The following ABHD2 variants were observed in gnomAD, a reference collection of about 807,000 sequenced individuals.
ABHD2 encodes the protein monoacylglycerol lipase ABHD2.
A neutral mutation model predicts 48.1 loss-of-function variants in ABHD2; 20 were observed. The observed-to-expected ratio is 0.42, with a 90% CI of 0.29 to 0.60. ABHD2 has a LOEUF of 0.60. Ranked by LOEUF, ABHD2 falls within the 20% of genes least tolerant of loss-of-function variation. ABHD2 has a pLI of 0.24. For synonymous variants in ABHD2, 209 were observed against 214.2 expected, an observed-to-expected ratio of 0.98 and a Z score of 0.21; for missense variants, 405 against 550.9, an observed-to-expected ratio of 0.74 and a Z score of 2.65.
At chr15:89,159,839 T>C (rs1449479887) in intron 5 of ABHD2, among the ~76,000 whole-genome samples, 2 of 152,226 alleles carry the variant, frequency 1.3e-5, no homozygotes, top group Non-Finnish European at 2.9e-5. Context: ...TATTATACTT[T>C]AGAAATGTTC....
the ABHD2 span, among the ~76,000 whole-genome samples, chr15:89,052,564 C>CACAA: frequency 6.6e-6 from 1 of 151,572 alleles, no homozygotes; most frequent in African/African-American, 2.4e-5. Context: ...GACAGACACA[C>CACAA]ACACACACAC....
intron 3 of ABHD2, among the ~76,000 whole-genome samples, chr15:89,138,463 G>C (rs890157566): frequency 6.6e-6 from 1 of 152,112 alleles, no homozygotes; most frequent in Non-Finnish European, 1.5e-5. Flanking sequence ...TGGATCTTTG[G>C]GGAGATATTC....
the ABHD2 span, among the ~76,000 whole-genome samples, chr15:89,059,820 C>T: frequency 2.0e-4 from 30 of 152,204 alleles, no homozygotes; most frequent in African/African-American, 6.0e-4. Flanking sequence ...ATTGCAGAGC[C>T]GCAGTTCCTT....
At position 89,114,493 on chromosome 15, in the gene ABHD2, G is replaced by GT. The variant is rs1459694565; in HGVS notation, c.-7+676dup. On this transcript the variant is annotated intron_variant, in intron 2 of 10. Coordinates refer to ENST00000352732, the MANE Select transcript of ABHD2 (RefSeq NM_152924.5). This position sits in a 1 kb window ranked among gnomAD's most constrained non-coding sequence, Gnocchi z 4.2. ...TTTTTTTGTTTTGTTTTTTGTTTTT[G>GT]TTTTTTTGAGACGGCGTTTCGCTCT... 3.3e-5 allele frequency among the ~76,000 whole-genome samples: 5 copies of GT among 151,882 alleles called. No individual in the cohort carries two copies. Among genetic ancestry groups the GT allele is most frequent in the African/African-American group, 1.2e-4 (5 of 41,342 alleles).
rs1038345271 is a variant in ABHD2, at chr15:89,166,310, C to T, written c.539-9502C>T. ...AAAATGGCCTCGAATATTTAAATTGCTTTTTTCCTGTGAGTTTAAACAGGG... is the reference window on the plus strand; with the variant it reads ...AAAATGGCCTCGAATATTTAAATTGTTTTTTTCCTGTGAGTTTAAACAGGG... On this transcript the variant is annotated intron_variant, in intron 5 of 10. Coordinates refer to ENST00000352732, the MANE Select transcript of ABHD2 (RefSeq NM_152924.5). The surrounding 1 kb of genome is among the most constrained non-coding windows in gnomAD (Gnocchi z 4.6). 1.3e-5 allele frequency among the ~76,000 whole-genome samples: 2 copies of T among 152,048 alleles called. No individual in the cohort carries two copies. The highest frequency in any genetic ancestry group is 2.9e-5 in the Non-Finnish European group (2 of 68,004).
At chr15:89,064,003 A>G in the ABHD2 span, among the ~76,000 whole-genome samples, 1 of 149,478 alleles carries the variant, frequency 6.7e-6, no homozygotes, top group Admixed American at 6.7e-5. Context: ...TTAAATAAGA[A>G]CCCCCATTAC....
At chr15:89,051,468 G>C in the ABHD2 span, among the ~76,000 whole-genome samples, 1,927 of 152,230 alleles carry the variant, frequency 0.013, 42 homozygotes, top group African/African-American at 0.045. Context: ...GGATACAATG[G>C]CTCAAGGGAG....
chr15:89,155,396 A>C lies in ABHD2; in HGVS notation c.400A>C (p.Ile134Leu). ...DDITMVICPGIANHSEKQYIR... is the reference protein window; with the variant it reads ...DDITMVICPGLANHSEKQYIR... ...TATCACCATGGTCATCTGCCCTGGA[A>C]TTGCCAATCACAGCGAGAAGCAATA... Residue 134 changes from isoleucine to leucine, a missense_variant, in exon 5 of 11, where the codon ATT becomes CTT. By Grantham distance (5) the Ile-to-Leu change is conservative. Coordinates refer to ENST00000352732, the MANE Select transcript of ABHD2 (RefSeq NM_152924.5). The surrounding 1 kb of genome is among the most constrained non-coding windows in gnomAD (Gnocchi z 4.9). 1 of 1,614,152 alleles carries C rather than the reference A, an allele frequency of 6.2e-7. No homozygotes were observed. The highest frequency in any genetic ancestry group is 8.5e-7 in the Non-Finnish European group (1 of 1,180,008).
At chr15:89,065,402 A>C in the ABHD2 span, among the ~76,000 whole-genome samples, 1 of 152,256 alleles carries the variant, frequency 6.6e-6, no homozygotes, top group South Asian at 2.1e-4. Context: ...AGACTTGGGC[A>C]TCCCCAGTCT....
At chr15:89,152,977 A>T (rs189959946) in intron 4 of ABHD2, among the ~76,000 whole-genome samples, 32 of 152,306 alleles carry the variant, frequency 2.1e-4, no homozygotes, top group Middle Eastern at 3.4e-3. Context: ...GTAGTTATTT[A>T]TGGGTAAATT....
intron 5 of ABHD2, among the ~76,000 whole-genome samples, chr15:89,156,584 T>G (rs920112085): frequency 1.3e-5 from 2 of 151,960 alleles, no homozygotes; most frequent in Non-Finnish European, 2.9e-5. Context: ...CTGTCTCTAC[T>G]AAAAATACAA....
chr15:89,128,097 T>C (rs1473165702), intron 3 of ABHD2, among the ~76,000 whole-genome samples: 1 of 152,196 alleles, frequency 6.6e-6, no homozygotes, highest in Admixed American at 6.5e-5. Context: ...GTAGAGTCAG[T>C]ACACACTAAC....
At chr15:89,070,103 G>A in the ABHD2 span, 3 of 152,262 alleles carry the variant, frequency 2.0e-5, no homozygotes, top group East Asian at 5.8e-4. Context: ...GTTGTGGATT[G>A]GCTGTAACTC....
At chr15:89,061,415 T>G in the ABHD2 span, among the ~76,000 whole-genome samples, 1 of 150,990 alleles carries the variant, frequency 6.6e-6, no homozygotes, top group Non-Finnish European at 1.5e-5. Context: ...CAAAATTCCA[T>G]CTCGGAAAAA....
Position 89,116,441 on chromosome 15 carries a change from C to T in ABHD2, c.114C>T (p.Pro38=). ...VIVRCLNLKS[P]TAPPDLYFQD... ...TCCGGTGTTTGAACCTGAAGAGCCC[C>T]ACAGCCCCACCTGACCTCTACTTCC... The change falls in exon 3 of 11, where the codon CCC becomes CCT. Residue 38 remains proline, a synonymous_variant. Transcript: ENST00000352732. The surrounding 1 kb of genome is among the most constrained non-coding windows in gnomAD (Gnocchi z 4.6). The T allele has an allele frequency of 6.2e-7, 1 of 1,614,208 alleles. No individual in the cohort carries two copies.
In ABHD2 at chr15:89,195,429, C is replaced by G. The variant is rs1199286513; in HGVS notation, c.*6C>G. ...TGGAGGCCGACCTGGAGTGAGGCCT[C>G]CGGACTCTGGCACGCTCCAGCAGCC... On this transcript the variant is annotated 3_prime_UTR_variant, in exon 11 of 11. Transcript: ENST00000352732. This position sits in a 1 kb window ranked among gnomAD's most constrained non-coding sequence, Gnocchi z 5.1. The G allele has an allele frequency of 6.2e-7, 1 of 1,611,982 alleles. No homozygotes were observed. The highest frequency in any genetic ancestry group is 2.2e-5 in the East Asian group (1 of 44,864).
intron 3 of ABHD2, among the ~76,000 whole-genome samples, chr15:89,123,652 CA>C (rs1292785929): frequency 2.4e-5 from 3 of 123,972 alleles, no homozygotes; most frequent in African/African-American, 9.4e-5. Context: ...GGTTGGAGTA[CA>C]ATGGCACAAT....
chr15:89,125,666 G>A (rs898990445), intron 3 of ABHD2, among the ~76,000 whole-genome samples: 4 of 152,126 alleles, frequency 2.6e-5, no homozygotes, highest in Admixed American at 2.6e-4. Flanking sequence ...GGAATTCCAG[G>A]GCAAACAGGG....
intron 5 of ABHD2, among the ~76,000 whole-genome samples, chr15:89,162,312 T>C (rs2050774999): frequency 6.6e-6 from 1 of 152,220 alleles, no homozygotes; most frequent in Non-Finnish European, 1.5e-5. Context: ...TTTTGTTCAA[T>C]TTAAGATCCA....
Sources: gnomAD v4.1 joint callset for allele counts (sites outside exome capture counted in the v4.1 genomes callset) on GRCh38, gnomAD v4.1.1 for gene constraint, Gnocchi (gnomAD v3.1) non-coding constraint, MANE v1.5 for transcripts, NCBI Gene and HGNC (gene_info 2026-07-23, HGNC 2026-07-21) for gene names.